Variants in PKHD1 observed in about 807,000 individuals in gnomAD.
PKHD1 encodes the protein fibrocystin.
In PKHD1, 291 loss-of-function variants were observed where a neutral mutation model predicts 412.0. The observed-to-expected ratio is 0.71, with a 90% confidence interval of 0.64 to 0.78. PKHD1 has a LOEUF of 0.78. PKHD1 is among the 30% of genes least tolerant of loss of function. The probability of loss-of-function intolerance (pLI) is 0.00; values close to 1 mark genes in which losing one functional copy is unlikely to be tolerated. For missense variants in PKHD1, 4,825 were observed against 4,950.7 expected (o/e 0.97, Z 0.76); for synonymous variants, 1,777 against 1,821.5 (o/e 0.98, Z 0.62).
intron 33 of PKHD1, among the ~76,000 whole-genome samples, chr6:52,021,497 T>G (rs192050607): frequency 3.3e-5 from 5 of 152,336 alleles, no homozygotes; most frequent in Non-Finnish European, 7.4e-5. Flanking sequence ...GTCTTAGCTT[T>G]CTGTTTATGC....
At chr6:51,968,508 C>G (rs1793181355) in intron 35 of PKHD1, among the ~76,000 whole-genome samples, 1 of 152,146 alleles carries the variant, frequency 6.6e-6, no homozygotes, top group Admixed American at 6.5e-5. Flanking sequence ...ACATTTTGAT[C>G]AGAACCAGAT....
chr6:52,069,393 G>T, intron 11 of PKHD1, 64 bp downstream of exon 11: 1 of 1,163,440 alleles, frequency 8.6e-7, no homozygotes, highest in Non-Finnish European at 1.3e-6. Context: ...CAAAAGATAG[G>T]GAAGGAGGGG....
chr6:51,775,316 T>C (rs913506110), intron 54 of PKHD1, among the ~76,000 whole-genome samples: 1 of 151,808 alleles, frequency 6.6e-6, no homozygotes, highest in African/African-American at 2.4e-5. Flanking sequence ...ACTGAGTTAG[T>C]TGGGGATACA....
intron 44 of PKHD1, 36 bp downstream of exon 44, chr6:51,887,097 G>A (rs994234668): frequency 1.8e-5 from 24 of 1,305,578 alleles, no homozygotes; most frequent in Non-Finnish European, 2.4e-5. Context: ...GAAATCATAA[G>A]ACAGCCAAAA....
intron 35 of PKHD1, among the ~76,000 whole-genome samples, chr6:51,995,496 C>T (rs1487258271): frequency 6.6e-6 from 1 of 152,136 alleles, no homozygotes; most frequent in Admixed American, 6.5e-5. Flanking sequence ...CATGTTTTCC[C>T]ATCTCTGGGA....
At chr6:51,703,903 A>G (rs1779723186) in intron 60 of PKHD1, among the ~76,000 whole-genome samples, 1 of 152,012 alleles carries the variant, frequency 6.6e-6, no homozygotes, top group Non-Finnish European at 1.5e-5. Context: ...ATAAGTCAAG[A>G]TGCTCTACTG....
intron 51 of PKHD1, among the ~76,000 whole-genome samples, chr6:51,833,245 C>A (rs1441840104): frequency 3.3e-5 from 5 of 152,128 alleles, no homozygotes; most frequent in African/African-American, 1.2e-4. Flanking sequence ...TGGAAACAAA[C>A]ATTCTGTACT....
chr6:51,681,521 C>A (rs192680012), intron 60 of PKHD1, among the ~76,000 whole-genome samples: 60 of 152,168 alleles, frequency 3.9e-4, no homozygotes, highest in African/African-American at 1.3e-3. Context: ...GCATGTAGAT[C>A]TGTGAAAATA....
intron 60 of PKHD1, among the ~76,000 whole-genome samples, chr6:51,686,814 T>C (rs929603603): frequency 2.6e-5 from 4 of 152,194 alleles, no homozygotes; most frequent in African/African-American, 7.2e-5. Flanking sequence ...ACTCTAGAAT[T>C]TTCCTGATTC....
chr6:51,727,296 T>C (rs1463468097), intron 60 of PKHD1, among the ~76,000 whole-genome samples: 2 of 152,130 alleles, frequency 1.3e-5, no homozygotes, highest in Non-Finnish European at 2.9e-5. Flanking sequence ...CAGCAGTAAA[T>C]CTGTGTGGGT....
intron 60 of PKHD1, among the ~76,000 whole-genome samples, chr6:51,725,600 T>C (rs1348011099): frequency 1.3e-5 from 2 of 152,178 alleles, no homozygotes; most frequent in African/African-American, 2.4e-5. Flanking sequence ...GTCTTTCATA[T>C]GGAATTAATG....
intron 6 of PKHD1, 61 bp downstream of exon 6, chr6:52,076,215 T>A: frequency 8.3e-7 from 1 of 1,203,812 alleles, no homozygotes; most frequent in African/African-American, 1.5e-5. Context: ...TCACCTAGGT[T>A]TGCAACAAGC....
intron 58 of PKHD1, 62 bp from the exon 59 acceptor site, chr6:51,746,951 G>C (rs111877611): frequency 1.0e-6 from 1 of 971,420 alleles, no homozygotes; most frequent in Non-Finnish European, 1.6e-6. Flanking sequence ...CACAAATATC[G>C]AATATACAAC....
At chr6:51,677,995 T>A (rs944288090) in intron 60 of PKHD1, among the ~76,000 whole-genome samples, 4 of 152,196 alleles carry the variant, frequency 2.6e-5, no homozygotes, top group Non-Finnish European at 5.9e-5. Context: ...GTTTAGAAAG[T>A]GTTTTTGTAT....
At chr6:51,972,769 C>G (rs764868567) in intron 35 of PKHD1, among the ~76,000 whole-genome samples, 4 of 152,192 alleles carry the variant, frequency 2.6e-5, no homozygotes, top group Non-Finnish European at 5.9e-5. Flanking sequence ...TTCTGCCAAA[C>G]CCTGTTTATT....
At chr6:51,843,868 AAT>A (rs1770674001) in intron 50 of PKHD1, among the ~76,000 whole-genome samples, 1 of 152,208 alleles carries the variant, frequency 6.6e-6, no homozygotes, top group South Asian at 2.1e-4. Flanking sequence ...GATCTTTTTA[AAT>A]GAGTGAGGTT....
In PKHD1 at chr6:51,856,045, C is replaced by T. The variant is rs747308325; in HGVS notation, c.7759G>A (p.Asp2587Asn). ...GLANTPEVSY[D>N]LTMTDSRNKT... is the part of the protein sequence containing the mutation. ...TTTCTGCTGTCAGTCATGGTTAAAT[C>T]ATAAGAAACTTCAGGAGTATTCGCT... The change falls in exon 49 of 67, where the codon GAT (aspartate) becomes AAT (asparagine). Residue 2587 changes from aspartate to asparagine, a missense_variant. Coordinates refer to ENST00000371117, the MANE Select transcript of PKHD1 (RefSeq NM_138694.4). 36 of 1,603,976 alleles carry T rather than the reference C, an allele frequency of 2.2e-5. No homozygotes were observed. Among genetic ancestry groups the T allele is most frequent in the Non-Finnish European group, 2.8e-5 (33 of 1,171,368 alleles).
intron 60 of PKHD1, among the ~76,000 whole-genome samples, chr6:51,705,968 T>A (rs2150732392): frequency 6.6e-6 from 1 of 152,216 alleles, no homozygotes; most frequent in South Asian, 2.1e-4. Flanking sequence ...TTAAATAAAC[T>A]TAATACTAAT....
At chr6:51,873,562 A>AT (rs1776350961) in intron 46 of PKHD1, among the ~76,000 whole-genome samples, 2 of 152,184 alleles carry the variant, frequency 1.3e-5, no homozygotes, top group African/African-American at 2.4e-5. Flanking sequence ...TTCCCCTATG[A>AT]TTTGTGCACA....
Sources: allele counts gnomAD v4.1 joint callset (sites outside exome capture counted in the v4.1 genomes callset), GRCh38; gene constraint gnomAD v4.1.1; transcripts MANE v1.5; gene names NCBI Gene and HGNC (gene_info 2026-07-23, HGNC 2026-07-21).